KSR2: variants seen among roughly 807,000 people sequenced by gnomAD.
KSR2 encodes the protein kinase suppressor of ras 2.
KSR2 carries 25 observed loss-of-function variants against 107.8 expected under a neutral mutation model. That is an observed-to-expected ratio of 0.23 (90% CI 0.17 to 0.32). The LOEUF is 0.32. Ranked by LOEUF, KSR2 falls within the 10% of genes least tolerant of loss-of-function variation. The pLI is 1.00. For synonymous variants in KSR2, 480 were observed against 507.0 expected, an observed-to-expected ratio of 0.95 and a Z score of 0.71; for missense variants, 887 against 1,268.9, an observed-to-expected ratio of 0.70 and a Z score of 4.57.
intron 3 of KSR2, among the ~76,000 whole-genome samples, chr12:117,784,504 T>C (rs1021009543): frequency 9.2e-5 from 14 of 152,210 alleles, no homozygotes; most frequent in African/African-American, 3.4e-4. Flanking sequence ...AACAGGCTAA[T>C]ACAGTCAGGT....
Position 117,861,478 on chromosome 12 carries a change from TC to T in KSR2, c.181-1048del, listed in dbSNP as rs371125623. On this transcript the variant is annotated intron_variant, in intron 1 of 19. Coordinates refer to ENST00000339824, the MANE Select transcript of KSR2 (RefSeq NM_173598.6). Reference sequence around the variant, plus strand: ...ATCTCGGCTCACTGCAAGCTCCGCCTCCCGGGTTCACGCCATTCTCCTGCCT... The same window carrying T: ...ATCTCGGCTCACTGCAAGCTCCGCCTCCGGGTTCACGCCATTCTCCTGCCT... Among the ~76,000 whole-genome samples the T allele has an allele frequency of 4.4e-3, 578 of 130,954 alleles. 3 individuals are homozygous for T. Among genetic ancestry groups the T allele is most frequent in the African/African-American group, 0.016 (543 of 33,980 alleles). 85.9% of individuals were successfully genotyped at this position (130,954 alleles called of 152,430 possible). A position where few individuals can be genotyped will look rare whatever the true frequency, so the allele number is the denominator to read the frequency against.
chr12:117,476,703 TC>T, intron 16 of KSR2, 108 bp from the exon 17 acceptor site: 1 of 1,233,104 alleles, frequency 8.1e-7, no homozygotes, highest in Non-Finnish European at 1.1e-6. Flanking sequence ...CCTTCTCGCT[TC>T]CCACATTGAG....
intron 4 of KSR2, among the ~76,000 whole-genome samples, chr12:117,733,794 T>C (rs1887825404): frequency 6.7e-6 from 1 of 149,928 alleles, no homozygotes; most frequent in Non-Finnish European, 1.5e-5. Context: ...TCTGAGCTCC[T>C]TACAAGGAAG....
chr12:117,480,979 T>A (rs529708810), intron 16 of KSR2, among the ~76,000 whole-genome samples: 1 of 152,138 alleles, frequency 6.6e-6, no homozygotes, highest in Non-Finnish European at 1.5e-5. Context: ...GGAGGATCGC[T>A]TGAGCCTCGG....
chr12:117,956,334 A>G (rs1260346770), intron 1 of KSR2, among the ~76,000 whole-genome samples: 3 of 150,906 alleles, frequency 2.0e-5, no homozygotes, highest in African/African-American at 7.3e-5. Context: ...TTGGGAGGCC[A>G]AGGCAGGAGG....
At chr12:117,940,390 T>G (rs1033505439) in intron 1 of KSR2, among the ~76,000 whole-genome samples, 1 of 152,236 alleles carries the variant, frequency 6.6e-6, no homozygotes, top group African/African-American at 2.4e-5. Context: ...TTCTCTGCTA[T>G]CCATGTGTGT....
At chr12:117,515,586 G>A (rs1195377871) in intron 14 of KSR2, among the ~76,000 whole-genome samples, 1 of 152,140 alleles carries the variant, frequency 6.6e-6, no homozygotes, top group East Asian at 1.9e-4. Flanking sequence ...AGCAAACATA[G>A]AAGAACAAAA....
In KSR2 at chr12:117,948,485, G is replaced by A. The variant is rs1472688463; in HGVS notation, c.180+19591C>T. Among the ~76,000 whole-genome samples the A allele has an allele frequency of 8.3e-5, 12 of 144,260 alleles. No individual in the cohort carries two copies. The South Asian group carries it at 8.6e-4, about 10-fold the overall frequency. 94.6% of individuals were successfully genotyped at this position (144,260 alleles called of 152,430 possible). On this transcript the variant is annotated intron_variant, in intron 1 of 19. Coordinates refer to ENST00000339824, the MANE Select transcript of KSR2 (RefSeq NM_173598.6). ...AGGCAGGGTGACAGAGCAAGACTCC[G>A]TCTCAAAAAAAAAAAAAAAATTATA...
chr12:117,696,307 C>T (rs1593140988), intron 4 of KSR2, among the ~76,000 whole-genome samples: 1 of 152,112 alleles, frequency 6.6e-6, no homozygotes, highest in East Asian at 1.9e-4. Context: ...GGACGGTGAA[C>T]CCCAAAAGGG....
intron 5 of KSR2, among the ~76,000 whole-genome samples, chr12:117,654,547 G>GAATGAAGGTTTGTGT (rs1212282840): frequency 1.3e-5 from 2 of 152,198 alleles, no homozygotes; most frequent in Non-Finnish European, 1.5e-5. Flanking sequence ...TTCCCAGTGG[G>GAATGAAGGTTTGTGT]CAGAACTTCG....
intron 19 of KSR2, chr12:117,467,952 A>G (rs541025257): frequency 1.9e-4 from 64 of 344,172 alleles, no homozygotes; most frequent in Admixed American, 8.2e-4. Flanking sequence ...CAACTCCACA[A>G]TAAAATATAG....
chr12:117,492,711 C>T (rs543265371), intron 14 of KSR2, among the ~76,000 whole-genome samples: 5 of 152,192 alleles, frequency 3.3e-5, no homozygotes, highest in African/African-American at 7.2e-5. Context: ...ATTAGCCAGG[C>T]GGGCCAGATG....
intron 5 of KSR2, among the ~76,000 whole-genome samples, chr12:117,645,318 C>G (rs765298170): frequency 6.6e-6 from 1 of 152,018 alleles, no homozygotes; most frequent in Non-Finnish European, 1.5e-5. Context: ...GTACATGAAC[C>G]ATCATGTTCA....
At chr12:117,665,914 C>T (rs148115367) in intron 5 of KSR2, among the ~76,000 whole-genome samples, 307 of 152,358 alleles carry the variant, frequency 2.0e-3, no homozygotes, top group African/African-American at 7.1e-3. Flanking sequence ...TTGCTACACA[C>T]TGGACTTGTC....
intron 3 of KSR2, among the ~76,000 whole-genome samples, chr12:117,800,533 T>G (rs900396147): frequency 7.2e-5 from 11 of 152,200 alleles, no homozygotes; most frequent in Non-Finnish European, 1.3e-4. Flanking sequence ...TAGTCCATTC[T>G]CACATTGCTA....
chr12:117,572,156 C>T (rs558114846), intron 7 of KSR2, among the ~76,000 whole-genome samples: 3 of 152,326 alleles, frequency 2.0e-5, no homozygotes, highest in African/African-American at 7.2e-5. Context: ...TTTGCTCAGG[C>T]TGTTTCCTCG....
chr12:117,720,508 A>G (rs573860501), intron 4 of KSR2, among the ~76,000 whole-genome samples: 1 of 152,362 alleles, frequency 6.6e-6, no homozygotes, highest in East Asian at 1.9e-4. Context: ...CACGAGGCAG[A>G]GGCAAGATCG....
chr12:117,502,290 T>C (rs1158210023), intron 14 of KSR2, among the ~76,000 whole-genome samples: 1 of 152,224 alleles, frequency 6.6e-6, no homozygotes, highest in African/African-American at 2.4e-5. Context: ...TATGTGCCCA[T>C]CTATGTCTAT....
chr12:117,717,357 C>CA (rs1479989510), intron 4 of KSR2, among the ~76,000 whole-genome samples: 2 of 151,948 alleles, frequency 1.3e-5, no homozygotes, highest in East Asian at 3.9e-4. Context: ...CTCATCTCCA[C>CA]AAAAAAGCAA....
Sources: gnomAD v4.1 joint callset for allele counts (sites outside exome capture counted in the v4.1 genomes callset) on GRCh38, gnomAD v4.1.1 for gene constraint, MANE v1.5 for transcripts, NCBI Gene and HGNC (gene_info 2026-07-23, HGNC 2026-07-21) for gene names.